The following PARD6G variants were observed in gnomAD, a reference collection of about 807,000 sequenced individuals.
PARD6G encodes partitioning defective 6 homolog gamma.
PARD6G carries 7 observed loss-of-function variants against 10.7 expected under a neutral mutation model. The ratio of observed to expected loss-of-function variants is 0.66; its 90% CI spans 0.37 to 1.23. The LOEUF (loss-of-function observed/expected upper bound fraction) is 1.23. Among genes scored for constraint, PARD6G ranks in the 50% most tolerant of loss-of-function variants. The pLI is 0.02. For synonymous variants in PARD6G, 287 were observed against 269.4 expected (o/e 1.07, Z -0.64); for missense variants, 548 against 571.8 (o/e 0.96, Z 0.42).
At chr18:80,185,992 TCA>T (rs559391455) in intron 2 of PARD6G, among the ~76,000 whole-genome samples, 2 of 96,846 alleles carry the variant, frequency 2.1e-5, no homozygotes, top group African/African-American at 8.3e-5. Context: ...GCATATACCC[TCA>T]GACATGCTCG....
At chr18:80,238,968 C>T (rs1967459713) in intron 1 of PARD6G, among the ~76,000 whole-genome samples, 1 of 152,118 alleles carries the variant, frequency 6.6e-6, no homozygotes, top group Non-Finnish European at 1.5e-5. Flanking sequence ...CAGTGGTTTT[C>T]AAACTTTTTA....
chr18:80,195,576 C>T (rs866248057), intron 2 of PARD6G, among the ~76,000 whole-genome samples: 2,369 of 56,074 alleles, frequency 0.042, 90 homozygotes, highest in African/African-American at 0.12. Flanking sequence ...TATATATACA[C>T]ACATTTTTTT....
rs897699431 is a variant in PARD6G at position 80,201,180 on chromosome 18, C to T, written c.295+1530G>A. On this transcript the variant is annotated intron_variant, in intron 2 of 2. Coordinates refer to ENST00000353265, the MANE Select transcript of PARD6G (RefSeq NM_032510.4). The surrounding 1 kb of genome is among the most constrained non-coding windows in gnomAD (Gnocchi z 5.9). ...GGAAGCCGAGTAAGAGGACAGAGGACGACAGGCAGAGGGGAACACGGGCTC... is the reference window on the plus strand; with the variant it reads ...GGAAGCCGAGTAAGAGGACAGAGGATGACAGGCAGAGGGGAACACGGGCTC... 4.6e-5 allele frequency among the ~76,000 whole-genome samples: 7 copies of T among 152,046 alleles called. No individual in the cohort carries two copies. The highest frequency in any genetic ancestry group is 1.2e-4 in the African/African-American group (5 of 41,396).
Position 80,206,957 on chromosome 18 carries a change from C to T in PARD6G, c.73-4025G>A, listed in dbSNP as rs548014661. ...CTAGTGATTATCAATAAATACTTAA[C>T]AGTAAATGAAAGATTCTTCAGATGT... On this transcript the variant is annotated intron_variant, in intron 1 of 2. Coordinates refer to ENST00000353265, the MANE Select transcript of PARD6G (RefSeq NM_032510.4). 4.0e-5 allele frequency among the ~76,000 whole-genome samples: 6 copies of T among 150,262 alleles called. No individual in the cohort carries two copies. In the South Asian group the frequency reaches 1.1e-3, roughly 26 times the overall value.
rs915685280 is a variant in PARD6G at position 80,180,984 on chromosome 18, G to A, written c.296-20378C>T. Among the ~76,000 whole-genome samples, 1 of 152,224 alleles carries A rather than the reference G, an allele frequency of 6.6e-6. No homozygotes were observed. Among genetic ancestry groups the A allele is most frequent in the African/African-American group, 2.4e-5 (1 of 41,450 alleles). On this transcript the variant is annotated intron_variant, in intron 2 of 2. Coordinates refer to ENST00000353265, the MANE Select transcript of PARD6G (RefSeq NM_032510.4). This position sits in a 1 kb window ranked among gnomAD's most constrained non-coding sequence, Gnocchi z 5.6. ...AGCGCAGAACGTCAGCAGTGCTGAG[G>A]GTAAGAACCCGGCCTCACACGCACG...
intron 2 of PARD6G, among the ~76,000 whole-genome samples, chr18:80,173,256 C>T (rs1042660721): frequency 6.6e-6 from 1 of 152,132 alleles, no homozygotes. Flanking sequence ...AAAAGTTTGT[C>T]GTGGAGGACA....
intron 2 of PARD6G, among the ~76,000 whole-genome samples, chr18:80,197,881 A>G (rs1487760506): frequency 6.6e-6 from 1 of 152,180 alleles, no homozygotes; most frequent in African/African-American, 2.4e-5. Context: ...TACAACCTAA[A>G]TACGCAGACT....
intron 2 of PARD6G, among the ~76,000 whole-genome samples, chr18:80,164,966 A>G (rs2052725631): frequency 6.6e-6 from 1 of 152,242 alleles, no homozygotes; most frequent in African/African-American, 2.4e-5. Context: ...AACCACTGAT[A>G]AGCATCCAAC....
intron 1 of PARD6G, among the ~76,000 whole-genome samples, chr18:80,244,263 G>A (rs1414675290): frequency 1.3e-5 from 2 of 152,178 alleles, no homozygotes; most frequent in African/African-American, 2.4e-5. Flanking sequence ...TGGGAAAAGG[G>A]TGGTCCCATG....
intron 1 of PARD6G, among the ~76,000 whole-genome samples, chr18:80,226,864 C>T (rs779759316): frequency 1.3e-5 from 2 of 152,190 alleles, no homozygotes; most frequent in African/African-American, 2.4e-5. Context: ...TGCCATATTA[C>T]GAGTGGCAGG....
chr18:80,239,108 G>A (rs1230973820), intron 1 of PARD6G, among the ~76,000 whole-genome samples: 1 of 152,186 alleles, frequency 6.6e-6, no homozygotes, highest in Non-Finnish European at 1.5e-5. Context: ...TGTCTATGAA[G>A]TATGGGATGA....
chr18:80,204,129 T>C (rs1271266060), intron 1 of PARD6G, among the ~76,000 whole-genome samples: 2 of 152,202 alleles, frequency 1.3e-5, no homozygotes, highest in Non-Finnish European at 2.9e-5. Flanking sequence ...GCTCCTGTCA[T>C]TCCTCACTCG....
chr18:80,174,261 G>A (rs2052794875), intron 2 of PARD6G, among the ~76,000 whole-genome samples: 1 of 152,144 alleles, frequency 6.6e-6, no homozygotes, highest in Non-Finnish European at 1.5e-5. Context: ...GAAAGTCCCA[G>A]AGGCTCCATA....
intron 2 of PARD6G, among the ~76,000 whole-genome samples, chr18:80,194,835 G>T (rs1317034417): frequency 6.3e-4 from 96 of 152,266 alleles, no homozygotes. Flanking sequence ...CTGCGTGTGA[G>T]GTGTCAGCAT....
At chr18:80,221,056 G>C (rs907156265) in intron 1 of PARD6G, among the ~76,000 whole-genome samples, 16 of 152,032 alleles carry the variant, frequency 1.1e-4, no homozygotes, top group African/African-American at 3.6e-4. Context: ...ACAAGATATT[G>C]AATTATCTCT....
chr18:80,173,828 T>C lies in PARD6G; in HGVS notation c.296-13222A>G, dbSNP rs761899219. Among the ~76,000 whole-genome samples, 26 of 152,142 alleles carry C rather than the reference T, an allele frequency of 1.7e-4. 1 individual carries two copies. The highest frequency in any genetic ancestry group is 3.7e-4 in the Non-Finnish European group (25 of 68,014). ...CAGCTGGAGGTGGCTCTGGAGCTGC[T>C]CCCCAGCAAGTTTGCTCAGCCTCCT... On this transcript the variant is annotated intron_variant, in intron 2 of 2. Coordinates refer to ENST00000353265, the MANE Select transcript of PARD6G (RefSeq NM_032510.4).
rs1966911670 is a variant in PARD6G, at chr18:80,192,868, G to A, written c.295+9842C>T. 6.6e-6 allele frequency among the ~76,000 whole-genome samples: 1 copy of A among 152,102 alleles called. No homozygotes were observed. Among genetic ancestry groups the A allele is most frequent in the Non-Finnish European group, 1.5e-5 (1 of 68,008 alleles). ...AGTCCTCCCCTCACTCCTGTGTGGA[G>A]GGCGGAGGAGAGGTGTCTGCAGGGG... On this transcript the variant is annotated intron_variant, in intron 2 of 2. Coordinates refer to ENST00000353265, the MANE Select transcript of PARD6G (RefSeq NM_032510.4). The surrounding 1 kb of genome is among the most constrained non-coding windows in gnomAD (Gnocchi z 4.9).
At position 80,160,622 on chromosome 18, in the gene PARD6G, C is replaced by CAGTT. The variant is rs761231888; in HGVS notation, c.296-20_296-17dup. ...TCGGCCTCCTCTGCGGGAGAGGGGA[C>CAGTT]AGTTAGAGGGGACACACAACCGAGC... On this transcript the variant is annotated splice_polypyrimidine_tract_variant and intron_variant, in intron 2 of 2. Coordinates refer to ENST00000353265, the MANE Select transcript of PARD6G (RefSeq NM_032510.4). The CAGTT allele has an allele frequency of 1.7e-4, 250 of 1,436,798 alleles. 4 individuals are homozygous for CAGTT. The South Asian group carries it at 3.5e-3, about 20-fold the overall frequency. The allele number at this position is 1,436,798 out of a possible 1,614,324, so 89.0% of individuals were successfully genotyped here. A position where few individuals can be genotyped will look rare whatever the true frequency, so the allele number is the denominator to read the frequency against.
At chr18:80,177,271 A>G (rs1036856855) in intron 2 of PARD6G, among the ~76,000 whole-genome samples, 6 of 140,510 alleles carry the variant, frequency 4.3e-5, no homozygotes, top group African/African-American at 1.6e-4. Context: ...CCAAATGGGA[A>G]GCACACACAC....
Sources: gnomAD v4.1 joint callset for allele counts (sites outside exome capture counted in the v4.1 genomes callset) on GRCh38, gnomAD v4.1.1 for gene constraint, Gnocchi (gnomAD v3.1) non-coding constraint, MANE v1.5 for transcripts, NCBI Gene and HGNC (gene_info 2026-07-23, HGNC 2026-07-21) for gene names.